The following MTUS2 variants were observed in gnomAD, a reference collection of about 807,000 sequenced individuals.
MTUS2 encodes the protein microtubule associated scaffold protein 2.
In MTUS2, 40 loss-of-function variants were observed where a neutral mutation model predicts 114.1. That is an observed-to-expected ratio of 0.35 (90% CI 0.27 to 0.46). The LOEUF (loss-of-function observed/expected upper bound fraction) is 0.46, where lower values mean the gene tolerates loss of function less well. Ranked by LOEUF, MTUS2 falls within the 20% of genes least tolerant of loss-of-function variation. MTUS2 has a pLI of 1.00. For synonymous variants in MTUS2, 688 were observed against 672.0 expected, an observed-to-expected ratio of 1.02 and a Z score of -0.37; for missense variants, 1,679 against 1,705.4, an observed-to-expected ratio of 0.98 and a Z score of 0.27.
chr13:28,832,646 G>A (rs1287596600), intron 1 of MTUS2, among the ~76,000 whole-genome samples: 2 of 147,058 alleles, frequency 1.4e-5, no homozygotes, highest in Non-Finnish European at 3.0e-5. Context: ...TATATAATAT[G>A]ACAATATATT....
At chr13:29,226,767 T>C (rs537080053) in intron 5 of MTUS2, among the ~76,000 whole-genome samples, 1 of 152,132 alleles carries the variant, frequency 6.6e-6, no homozygotes, top group African/African-American at 2.4e-5. Context: ...AGGAAAAATA[T>C]TTGAATAAAT....
chr13:28,940,803 C>T (rs1197721102), intron 2 of MTUS2, among the ~76,000 whole-genome samples: 1 of 152,000 alleles, frequency 6.6e-6, no homozygotes, highest in East Asian at 1.9e-4. Context: ...ATGAGAGACA[C>T]ATGGGACATG....
Position 29,484,467 on chromosome 13 carries a change from GC to G in MTUS2, c.3400-3431del, listed in dbSNP as rs67378232. ...GAGGAGGCGGTGCAGTGGAGATGGC[GC>G]CTCTGTCAACACCTGCCTGTGTGGA... On this transcript the variant is annotated intron_variant, in intron 10 of 15. Transcript: ENST00000612955. 1.8e-3 allele frequency among the ~76,000 whole-genome samples: 267 copies of G among 152,362 alleles called. 7 individuals are homozygous for G. In the East Asian group the frequency reaches 0.046, roughly 26 times the overall value.
intron 6 of MTUS2, among the ~76,000 whole-genome samples, chr13:29,286,880 AG>A (rs1428100315): frequency 6.6e-6 from 1 of 152,074 alleles, no homozygotes; most frequent in African/African-American, 2.4e-5. Context: ...TAGTAAGGAC[AG>A]GGTTTCATCA....
At chr13:28,844,584 T>C (rs1566172302) in intron 2 of MTUS2, among the ~76,000 whole-genome samples, 1 of 117,716 alleles carries the variant, frequency 8.5e-6, no homozygotes, top group Non-Finnish European at 1.7e-5. Flanking sequence ...GCAGCATTTG[T>C]GTGTGAGTGT....
intron 5 of MTUS2, among the ~76,000 whole-genome samples, chr13:29,142,907 A>G (rs533361805): frequency 6.6e-6 from 1 of 152,380 alleles, no homozygotes; most frequent in Admixed American, 6.5e-5. Flanking sequence ...GGCAGCATGT[A>G]CAAAAGTGAA....
chr13:29,085,633 G>T (rs1166220389), intron 4 of MTUS2, among the ~76,000 whole-genome samples: 6 of 152,082 alleles, frequency 3.9e-5, no homozygotes, highest in Non-Finnish European at 8.8e-5. Flanking sequence ...TTTTTTTGTG[G>T]CTGTGTAGTA....
At chr13:29,243,174 G>A (rs1194066804) in intron 5 of MTUS2, among the ~76,000 whole-genome samples, 1 of 152,168 alleles carries the variant, frequency 6.6e-6, no homozygotes, top group Middle Eastern at 3.2e-3. Flanking sequence ...TAGCATATAA[G>A]AGGAGTAAAG....
In MTUS2 at chr13:29,503,298, G is replaced by T; in HGVS notation, c.*92G>T. ...ACCCGGTGCCGCCGGAGCTGGCCCT[G>T]TGCGCATGCTCAGTAGCTGCGAATG... On this transcript the variant is annotated 3_prime_UTR_variant, in exon 16 of 16. Coordinates refer to ENST00000612955, the MANE Select transcript of MTUS2 (RefSeq NM_001033602.4). 7 of 1,424,920 alleles carry T rather than the reference G, an allele frequency of 4.9e-6. No homozygotes were observed. In the South Asian group the frequency reaches 8.3e-5, roughly 17 times the overall value. 88.3% of individuals were successfully genotyped at this position (1,424,920 alleles called of 1,614,324 possible).
chr13:28,974,513 C>T (rs968265216), intron 2 of MTUS2, among the ~76,000 whole-genome samples: 1 of 152,102 alleles, frequency 6.6e-6, no homozygotes, highest in Non-Finnish European at 1.5e-5. Context: ...TGCTTGTTTC[C>T]TCCTGGGTGT....
At chr13:29,122,400 G>T (rs914796910) in intron 5 of MTUS2, among the ~76,000 whole-genome samples, 1 of 152,192 alleles carries the variant, frequency 6.6e-6, no homozygotes, top group Non-Finnish European at 1.5e-5. Flanking sequence ...GGGGAAGCAA[G>T]CACCGCCTCT....
At chr13:28,909,558 C>G (rs1438946188) in intron 2 of MTUS2, among the ~76,000 whole-genome samples, 1 of 152,072 alleles carries the variant, frequency 6.6e-6, no homozygotes, top group Non-Finnish European at 1.5e-5. Context: ...CTGTGAGAAA[C>G]CCACCGCCAA....
chr13:28,881,063 A>C (rs961431746), intron 2 of MTUS2, among the ~76,000 whole-genome samples: 1 of 152,128 alleles, frequency 6.6e-6, no homozygotes, highest in Non-Finnish European at 1.5e-5. Flanking sequence ...TTTGGCTTCT[A>C]GTGTACCCAG....
At chr13:28,844,607 G>GTGTGTA (rs1176298644) in intron 2 of MTUS2, among the ~76,000 whole-genome samples, 1 of 151,776 alleles carries the variant, frequency 6.6e-6, no homozygotes, top group African/African-American at 2.4e-5. Flanking sequence ...GTGTGTGTGT[G>GTGTGTA]TGTGTATGTG....
intron 5 of MTUS2, among the ~76,000 whole-genome samples, chr13:29,178,882 C>G (rs1893882820): frequency 6.6e-6 from 1 of 152,068 alleles, no homozygotes; most frequent in Non-Finnish European, 1.5e-5. Context: ...TTTAGTAAGA[C>G]TACGTAAATT....
At chr13:28,972,365 C>T (rs1179441711) in intron 2 of MTUS2, among the ~76,000 whole-genome samples, 1 of 152,176 alleles carries the variant, frequency 6.6e-6, no homozygotes, top group Non-Finnish European at 1.5e-5. Context: ...AATAATTGGT[C>T]CCCACAATGT....
intron 5 of MTUS2, among the ~76,000 whole-genome samples, chr13:29,249,899 T>C (rs1897064705): frequency 6.6e-6 from 1 of 152,128 alleles, no homozygotes; most frequent in East Asian, 1.9e-4. Flanking sequence ...GATTTAAATG[T>C]AAAATCCCAA....
In MTUS2 at chr13:29,303,803, C is replaced by G. The variant is rs565326809; in HGVS notation, c.2807-20810C>G. On this transcript the variant is annotated intron_variant, in intron 6 of 15. Coordinates refer to ENST00000612955, the MANE Select transcript of MTUS2 (RefSeq NM_001033602.4). ...ATGCAGAGAATCCCAGTAAGATACT[C>G]CATGAGAAGATCAACCCCAAGACAC... Among the ~76,000 whole-genome samples, 4 of 152,200 alleles carry G rather than the reference C, an allele frequency of 2.6e-5. No individual in the cohort carries two copies. The East Asian group carries it at 7.7e-4, about 29-fold the overall frequency.
chr13:29,160,286 G>T (rs930702956), intron 5 of MTUS2, among the ~76,000 whole-genome samples: 4 of 152,084 alleles, frequency 2.6e-5, no homozygotes, highest in Admixed American at 1.3e-4. Context: ...CTCTCCTCTA[G>T]AAAAAAGTAA....
Sources: gnomAD v4.1 joint callset for allele counts (sites outside exome capture counted in the v4.1 genomes callset) on GRCh38, gnomAD v4.1.1 for gene constraint, MANE v1.5 for transcripts, NCBI Gene and HGNC (gene_info 2026-07-23, HGNC 2026-07-21) for gene names.